Variants in OTOG observed in about 807,000 individuals in gnomAD.
OTOG encodes the protein otogelin.
A neutral mutation model predicts 313.8 loss-of-function variants in OTOG; 296 were observed. That is an observed-to-expected ratio of 0.94 (90% confidence interval 0.86 to 1.04). OTOG has a LOEUF of 1.04. Ranked by LOEUF, OTOG falls within the 50% of genes least tolerant of loss-of-function variation. OTOG has a pLI of 0.00. For synonymous variants in OTOG, 1,533 were observed against 1,554.9 expected, an observed-to-expected ratio of 0.99 and a Z score of 0.33; for missense variants, 3,948 against 3,840.1, an observed-to-expected ratio of 1.03 and a Z score of -0.74.
chr11:17,638,510 G>T lies in OTOG; in HGVS notation c.7855G>T (p.Val2619Leu), dbSNP rs1267556539. 1.3e-6 allele frequency: 2 copies of T among 1,550,308 alleles called. No homozygotes were observed. The highest frequency in any genetic ancestry group is 1.7e-6 in the Non-Finnish European group (2 of 1,147,014). The part of the protein sequence containing the change: ...QCGLGTALVE[V>L]WSPDRCCPYK... The stretch of plus-strand genomic sequence containing the variant: ...TGGCCTGGGCACTGCCCTGGTGGAG[G>T]TGTGGAGCCCCGACCGCTGCTGCCC... The change falls in exon 48 of 56, where the codon GTG becomes TTG. Residue 2619 changes from valine to leucine, a missense_variant. Physicochemically the swap from Val to Leu is conservative, Grantham distance 32. Transcript: ENST00000399397.
intron 36 of OTOG, among the ~76,000 whole-genome samples, chr11:17,611,655 T>C (rs554951860): frequency 1.3e-4 from 20 of 152,084 alleles, no homozygotes; most frequent in African/African-American, 4.8e-4. Flanking sequence ...CAGGTGACAA[T>C]GTGTGTGTGC....
In OTOG at chr11:17,547,520, A is replaced by G. The variant is rs1253663735; in HGVS notation, c.94+54A>G. 7 of 1,303,548 alleles carry G rather than the reference A, an allele frequency of 5.4e-6. No homozygotes were observed. In the East Asian group the frequency reaches 1.5e-4, roughly 29 times the overall value. The allele number at this position is 1,303,548 out of a possible 1,614,324, so 80.7% of individuals were successfully genotyped here. On this transcript the variant is annotated intron_variant, in intron 1 of 55. Coordinates refer to ENST00000399397, the MANE Select transcript of OTOG (RefSeq NM_001292063.2). Reference sequence around the variant, plus strand: ...GGGGGCTCGAGGAATGAGAAACGTTAAAGGAATGAGGAATGGGCCCGCGCA... The same window carrying G: ...GGGGGCTCGAGGAATGAGAAACGTTGAAGGAATGAGGAATGGGCCCGCGCA...
At chr11:17,575,275 C>T (rs1000117385) in intron 20 of OTOG, among the ~76,000 whole-genome samples, 3 of 152,242 alleles carry the variant, frequency 2.0e-5, no homozygotes, top group Admixed American at 2.0e-4. Context: ...CAGAGTTTAG[C>T]CCTCAGGGAG....
At chr11:17,594,010 G>A (rs866139166) in intron 27 of OTOG, 37 bp from the exon 28 acceptor site, 4 of 1,550,204 alleles carry the variant, frequency 2.6e-6, no homozygotes, top group Non-Finnish European at 3.5e-6. Flanking sequence ...ACCTCTGGCA[G>A]GCCTGCAACT....
chr11:17,629,217 C>A lies in OTOG; in HGVS notation c.6613C>A (p.Leu2205Met). The A allele has an allele frequency of 6.4e-7, 1 of 1,550,626 alleles. No homozygotes were observed. The change falls in exon 40 of 56, where the codon CTG (leucine) becomes ATG (methionine). Residue 2205 changes from leucine (L) to methionine (M), a missense_variant. Leu to Met is a conservative substitution (Grantham distance 15, BLOSUM62 2). Transcript: ENST00000399397. Reference protein sequence around the residue: ...IEDTGHMYMILTPSDIQIQWL... With the variant: ...IEDTGHMYMIMTPSDIQIQWL... ...GGACACAGGCCACATGTACATGATCCTGACTCCCTCAGACATCCAGATCCA... is the reference window on the plus strand; with the variant it reads ...GGACACAGGCCACATGTACATGATCATGACTCCCTCAGACATCCAGATCCA...
At chr11:17,604,864 A>G (rs1853343377) in intron 32 of OTOG, among the ~76,000 whole-genome samples, 1 of 152,234 alleles carries the variant, frequency 6.6e-6, no homozygotes, top group South Asian at 2.1e-4. Context: ...AGTCATGTGT[A>G]AACAGCAGCT....
intron 3 of OTOG, 50 bp from the exon 4 acceptor site, chr11:17,551,950 C>G (rs1225509663): frequency 6.6e-7 from 1 of 1,515,174 alleles, no homozygotes; most frequent in Non-Finnish European, 9.0e-7. Flanking sequence ...GCCTGGGAAC[C>G]CGTCCTGAGG....
chr11:17,638,242 A>G (rs1854309840), intron 47 of OTOG, among the ~76,000 whole-genome samples: 1 of 152,186 alleles, frequency 6.6e-6, no homozygotes, highest in African/African-American at 2.4e-5. Flanking sequence ...CTGTCATGTC[A>G]CCAGTGCCTC....
At chr11:17,569,769 AG>A (rs1188294075) in intron 16 of OTOG, among the ~76,000 whole-genome samples, 1 of 152,216 alleles carries the variant, frequency 6.6e-6, no homozygotes, top group Non-Finnish European at 1.5e-5. Flanking sequence ...TAAACCATAA[AG>A]GGTATAAAAT....
chr11:17,557,219 C>T lies in OTOG; in HGVS notation c.761C>T (p.Ala254Val). The T allele has an allele frequency of 6.4e-7, 1 of 1,550,608 alleles. No individual in the cohort carries two copies. The highest frequency in any genetic ancestry group is 8.7e-7 in the Non-Finnish European group (1 of 1,146,994). Residue 254 changes from alanine to valine, a missense_variant, in exon 8 of 56, where the codon GCC becomes GTC. Coordinates refer to ENST00000399397, the MANE Select transcript of OTOG (RefSeq NM_001292063.2). ...QSAFTLAWDG[A>V]SAVYIKMSPE... Reference sequence around the variant, plus strand: ...GCCTTCACACTGGCCTGGGATGGTGCCTCGGCTGTCTACATCAAGATGAGT... The same window carrying T: ...GCCTTCACACTGGCCTGGGATGGTGTCTCGGCTGTCTACATCAAGATGAGT...
At position 17,613,627 on chromosome 11, in the gene OTOG, C is replaced by T. The variant is rs1258636600; in HGVS notation, c.6454C>T (p.Pro2152Ser). 40 of 1,550,502 alleles carry T rather than the reference C, an allele frequency of 2.6e-5. No individual in the cohort carries two copies. Among genetic ancestry groups the T allele is most frequent in the Non-Finnish European group, 3.4e-5 (39 of 1,147,004 alleles). Residue 2152 changes from proline (P) to serine (S), a missense_variant, in exon 39 of 56, where the codon CCC (proline) becomes TCC (serine). By Grantham distance (74) the Pro-to-Ser change is moderately conservative. Coordinates refer to ENST00000399397, the MANE Select transcript of OTOG (RefSeq NM_001292063.2). ...KSANLGHLNWPPFCLVMLNMT... is the reference protein window; with the variant it reads ...KSANLGHLNWSPFCLVMLNMT... ...CTCTCTGCAGGGGCACCTGAACTGG[C>T]CCCCGTTCTGTCTGGTGATGTTGAA...
intron 53 of OTOG, 135 bp downstream of exon 53, chr11:17,642,381 A>G (rs1168100463): frequency 1.7e-6 from 2 of 1,196,726 alleles, no homozygotes; most frequent in Non-Finnish European, 2.2e-6. Context: ...GCCACCCCAA[A>G]TCCATATGTC....
At chr11:17,632,775 G>C (rs963615908) in intron 42 of OTOG, among the ~76,000 whole-genome samples, 19 of 152,134 alleles carry the variant, frequency 1.2e-4, no homozygotes, top group African/African-American at 4.6e-4. Flanking sequence ...CCTGGGCTAG[G>C]GTAGCTTGAT....
intron 39 of OTOG, among the ~76,000 whole-genome samples, chr11:17,620,894 C>G (rs1447640654): frequency 6.6e-6 from 1 of 152,088 alleles, no homozygotes; most frequent in Non-Finnish European, 1.5e-5. Context: ...CATATTAATT[C>G]CATTCAGTGG....
intron 54 of OTOG, among the ~76,000 whole-genome samples, chr11:17,644,522 G>A (rs1293234227): frequency 6.6e-6 from 1 of 152,238 alleles, no homozygotes; most frequent in Non-Finnish European, 1.5e-5. Context: ...GCACTGTAGA[G>A]CCTTGTGGAG....
chr11:17,610,312 C>T lies in OTOG; in HGVS notation c.5012C>T (p.Ala1671Val), dbSNP rs764832374. The T allele has an allele frequency of 1.3e-6, 2 of 1,550,770 alleles. No homozygotes were observed. Among genetic ancestry groups the T allele is most frequent in the South Asian group, 1.2e-5 (1 of 84,060 alleles). ...SGSHKAVLTP[A>V]VTKVISRTGV... Reference sequence around the variant, plus strand: ...TCCCACAAGGCTGTGCTGACACCTGCAGTAACTAAGGTCATAAGCAGGACA... The same window carrying T: ...TCCCACAAGGCTGTGCTGACACCTGTAGTAACTAAGGTCATAAGCAGGACA... Residue 1671 changes from alanine to valine, a missense_variant, in exon 36 of 56, where the codon GCA becomes GTA. Ala to Val is a moderately conservative substitution (Grantham distance 64). Transcript: ENST00000399397.
chr11:17,645,498 G>A, intron 54 of OTOG, 66 bp from the exon 55 acceptor site: 1 of 1,473,086 alleles, frequency 6.8e-7, no homozygotes, highest in Non-Finnish European at 9.2e-7. Flanking sequence ...CCCTGGGCTG[G>A]CCCATCCTGC....
In OTOG at chr11:17,560,833, C is replaced by A; in HGVS notation, c.1451+16C>A. ...GCAATACTTGGTCTGTGTCTGCTGC[C>A]GGGAAGCAGGGTGTGGGGCATGGCC... On this transcript the variant is annotated intron_variant, in intron 13 of 55. Transcript: ENST00000399397. The A allele has an allele frequency of 6.5e-7, 1 of 1,542,420 alleles. No individual in the cohort carries two copies. Among genetic ancestry groups the A allele is most frequent in the Non-Finnish European group, 8.8e-7 (1 of 1,139,452 alleles).
At chr11:17,612,082 A>G in intron 36 of OTOG, 80 bp from the exon 37 acceptor site, 1 of 1,493,124 alleles carries the variant, frequency 6.7e-7, no homozygotes, top group Middle Eastern at 1.7e-4. Flanking sequence ...ACATGTGGGA[A>G]GGATCTGGTG....
Sources: gnomAD v4.1 joint callset for allele counts (sites outside exome capture counted in the v4.1 genomes callset) on GRCh38, gnomAD v4.1.1 for gene constraint, MANE v1.5 for transcripts, NCBI Gene and HGNC (gene_info 2026-07-23, HGNC 2026-07-21) for gene names.